Variants in FAM216A observed in about 807,000 individuals in gnomAD.
FAM216A encodes family with sequence similarity 216 member A.
A neutral mutation model predicts 37.6 loss-of-function variants in FAM216A; 26 were observed. That is an observed-to-expected ratio of 0.69 (90% CI 0.51 to 0.96). FAM216A has a LOEUF of 0.96. Ranked by LOEUF, FAM216A falls within the 40% of genes least tolerant of loss-of-function variation. The pLI, the probability that FAM216A is intolerant of heterozygous loss-of-function variation, is 0.00. For missense variants in FAM216A, 326 were observed against 339.3 expected, an observed-to-expected ratio of 0.96 and a Z score of 0.31; for synonymous variants, 110 against 121.7, an observed-to-expected ratio of 0.90 and a Z score of 0.64.
At chr12:110,478,135 A>G (rs1203650001) in intron 2 of FAM216A, among the ~76,000 whole-genome samples, 1 of 152,186 alleles carries the variant, frequency 6.6e-6, no homozygotes, top group East Asian at 1.9e-4. Flanking sequence ...ATGGATTCTT[A>G]TACCATTGAA....
intron 2 of FAM216A, among the ~76,000 whole-genome samples, chr12:110,483,741 C>G (rs1354809874): frequency 6.6e-6 from 1 of 152,128 alleles, no homozygotes; most frequent in Non-Finnish European, 1.5e-5. Flanking sequence ...TCGCTTGAAC[C>G]TGGGAGGTGG....
intron 2 of FAM216A, among the ~76,000 whole-genome samples, chr12:110,475,370 T>A (rs1490093653): frequency 6.6e-6 from 1 of 152,104 alleles, no homozygotes; most frequent in Non-Finnish European, 1.5e-5. Flanking sequence ...GCCTCCCAAG[T>A]AGCTGGGATT....
intron 1 of FAM216A, among the ~76,000 whole-genome samples, chr12:110,469,754 C>T (rs1477163848): frequency 1.3e-5 from 2 of 152,110 alleles, no homozygotes; most frequent in African/African-American, 4.8e-5. Context: ...AAGTGAGCCG[C>T]CCGCCTCGGC....
intron 1 of FAM216A, among the ~76,000 whole-genome samples, chr12:110,469,816 A>T (rs555605158): frequency 2.0e-5 from 3 of 152,172 alleles, no homozygotes; most frequent in Admixed American, 2.0e-4. Context: ...ACCTCAAACG[A>T]GGATTTCTAA....
intron 2 of FAM216A, among the ~76,000 whole-genome samples, chr12:110,476,397 A>G (rs967511521): frequency 4.6e-5 from 7 of 151,772 alleles, no homozygotes; most frequent in Non-Finnish European, 4.4e-5. Context: ...TTTAGTAGAC[A>G]TGGGGTTTCA....
At chr12:110,485,283 G>T in intron 3 of FAM216A, 84 bp downstream of exon 3, 1 of 1,240,552 alleles carries the variant, frequency 8.1e-7, no homozygotes, top group South Asian at 1.4e-5. Context: ...TGCTTAGAGG[G>T]TGAGATACTG....
intron 2 of FAM216A, among the ~76,000 whole-genome samples, chr12:110,473,679 G>A (rs761386551): frequency 3.3e-5 from 5 of 152,182 alleles, no homozygotes; most frequent in South Asian, 2.1e-4. Flanking sequence ...TATAGCTGAC[G>A]TTGGTTGAAA....
chr12:110,485,090 A>G lies in FAM216A; in HGVS notation c.197A>G (p.Asp66Gly). The stretch of plus-strand genomic sequence containing the variant: ...TCTTTGCCTACAGATAGAATCAAAG[A>G]TGGATACAAAGTGAACTCACACATA... ...QNSKGSDRIKDGYKVNSHIAK... is the reference protein window; with the variant it reads ...QNSKGSDRIKGGYKVNSHIAK... Residue 66 changes from aspartate to glycine, a missense_variant, in exon 3 of 7, where the codon GAT (aspartate) becomes GGT (glycine). Physicochemically the swap from Asp to Gly is moderately conservative, Grantham distance 94 (BLOSUM62 -1). Transcript: ENST00000377673. 6.2e-7 allele frequency: 1 copy of G among 1,607,638 alleles called. No homozygotes were observed. The highest frequency in any genetic ancestry group is 2.2e-5 in the East Asian group (1 of 44,716).
chr12:110,479,334 T>C (rs1484389728), intron 2 of FAM216A, among the ~76,000 whole-genome samples: 1 of 152,004 alleles, frequency 6.6e-6, no homozygotes, highest in Non-Finnish European at 1.5e-5. Flanking sequence ...TACATACCCA[T>C]ACATATCTAT....
intron 3 of FAM216A, 97 bp downstream of exon 3, chr12:110,485,296 G>A (rs2062771447): frequency 9.6e-7 from 1 of 1,040,398 alleles, no homozygotes; most frequent in African/African-American, 1.6e-5. Flanking sequence ...AGATACTGCA[G>A]ATGACAAGGC....
chr12:110,485,971 A>C (rs949792624), intron 3 of FAM216A, among the ~76,000 whole-genome samples: 1 of 152,206 alleles, frequency 6.6e-6, no homozygotes. Context: ...GATTGATTTT[A>C]GGTACCATGT....
At chr12:110,475,665 T>C (rs985714690) in intron 2 of FAM216A, among the ~76,000 whole-genome samples, 1 of 149,406 alleles carries the variant, frequency 6.7e-6, no homozygotes, top group African/African-American at 2.5e-5. Context: ...TCGACCTCCC[T>C]GGCTCAAGTG....
chr12:110,484,817 A>G (rs926807528), intron 2 of FAM216A, among the ~76,000 whole-genome samples: 1 of 151,060 alleles, frequency 6.6e-6, no homozygotes, highest in Non-Finnish European at 1.5e-5. Context: ...CAGTGGCGCT[A>G]TCCTGGCTCA....
chr12:110,468,458 C>G (rs1347869203), upstream of FAM216A: 1 of 1,537,052 alleles, frequency 6.5e-7, no homozygotes, highest in South Asian at 1.2e-5. Flanking sequence ...GGGATGCTGT[C>G]TAAGCTTGGA....
chr12:110,469,035 C>T lies in FAM216A; in HGVS notation c.143+17C>T, dbSNP rs937517338. On this transcript the variant is annotated intron_variant, in intron 1 of 6. Coordinates refer to ENST00000377673, the MANE Select transcript of FAM216A (RefSeq NM_013300.3). ...CGGCGGCGGGTGAGGTTGGGGGCCCCGGGGTAAGGGTGGCAGCATGGGGCC... is the reference window on the plus strand; with the variant it reads ...CGGCGGCGGGTGAGGTTGGGGGCCCTGGGGTAAGGGTGGCAGCATGGGGCC... The T allele has an allele frequency of 8.3e-6, 12 of 1,448,540 alleles. No homozygotes were observed. Among genetic ancestry groups the T allele is most frequent in the Non-Finnish European group, 1.0e-5 (11 of 1,101,996 alleles). The allele number at this position is 1,448,540 out of a possible 1,614,324, so 89.7% of individuals were successfully genotyped here. A position where few individuals can be genotyped will look rare whatever the true frequency, so the allele number is the denominator to read the frequency against.
chr12:110,473,472 A>AAAGTGCTG (rs2062698299), intron 2 of FAM216A, among the ~76,000 whole-genome samples: 1 of 152,198 alleles, frequency 6.6e-6, no homozygotes, highest in South Asian at 2.1e-4. Context: ...TCCGCCTCCC[A>AAAGTGCTG]AAGTGCTGGG....
At chr12:110,470,344 C>T (rs2062677635) in intron 1 of FAM216A, among the ~76,000 whole-genome samples, 1 of 151,956 alleles carries the variant, frequency 6.6e-6, no homozygotes, top group African/African-American at 2.4e-5. Context: ...GTGATCCGCC[C>T]GCATGGCCGT....
chr12:110,477,576 T>C (rs2062721760), intron 2 of FAM216A, among the ~76,000 whole-genome samples: 1 of 151,992 alleles, frequency 6.6e-6, no homozygotes, highest in Admixed American at 6.6e-5. Context: ...CAGGATGGTG[T>C]CTATCTCCTG....
At chr12:110,472,436 G>A (rs1388961616) in intron 1 of FAM216A, among the ~76,000 whole-genome samples, 1 of 151,974 alleles carries the variant, frequency 6.6e-6, no homozygotes, top group Non-Finnish European at 1.5e-5. Flanking sequence ...AATTAGCCAG[G>A]CGTTTTGGTG....
Sources: allele counts gnomAD v4.1 joint callset (sites outside exome capture counted in the v4.1 genomes callset), GRCh38; gene constraint gnomAD v4.1.1; transcripts MANE v1.5; gene names NCBI Gene and HGNC (gene_info 2026-07-23, HGNC 2026-07-21).